The following IVD variants were observed in gnomAD, a reference collection of about 807,000 sequenced individuals.
IVD encodes isovaleryl-CoA dehydrogenase, mitochondrial.
Under a neutral mutation model 51.3 loss-of-function variants are expected in IVD, and 31 were observed. The ratio of observed to expected loss-of-function variants is 0.60; its 90% CI spans 0.45 to 0.81. IVD has a LOEUF of 0.81. IVD is among the 40% of genes least tolerant of loss of function. The pLI is 0.00. For synonymous variants in IVD, 205 were observed against 219.4 expected (o/e 0.93, Z 0.58); for missense variants, 475 against 552.0 (o/e 0.86, Z 1.40).
intron 9 of IVD, among the ~76,000 whole-genome samples, 185 bp from the exon 10 acceptor site, chr15:40,415,893 G>C (rs910473353): frequency 1.3e-5 from 2 of 152,208 alleles, no homozygotes; most frequent in Non-Finnish European, 2.9e-5. Context: ...TGCGGGCTGT[G>C]GAACAGCCAC....
At chr15:40,414,749 C>G (rs1432626570) in intron 7 of IVD, 140 bp from the exon 8 acceptor site, 23 of 1,426,376 alleles carry the variant, frequency 1.6e-5, no homozygotes, top group Non-Finnish European at 2.2e-5. Context: ...TTTCTTTCAC[C>G]TGGAACCTTA....
intron 10 of IVD, 44 bp downstream of exon 10, chr15:40,416,226 A>T (rs778417044): frequency 6.2e-7 from 1 of 1,612,282 alleles, no homozygotes. Flanking sequence ...GCAGTGGACC[A>T]GCTGCTGAGA....
At chr15:40,406,635 A>C (rs1439734540) in intron 1 of IVD, among the ~76,000 whole-genome samples, 1 of 152,184 alleles carries the variant, frequency 6.6e-6, no homozygotes, top group African/African-American at 2.4e-5. Flanking sequence ...TCTCATAAAA[A>C]ATAGAAAAGA....
chr15:40,407,555 A>T (rs1331733550), intron 1 of IVD, 81 bp from the exon 2 acceptor site: 11 of 1,003,446 alleles, frequency 1.1e-5, no homozygotes, highest in Non-Finnish European at 1.8e-5. Flanking sequence ...TGGGGAAGTT[A>T]CTTGTGGCCT....
At position 40,418,612 on chromosome 15, in the gene IVD, A is replaced by C; in HGVS notation, c.*349A>C. The C allele has an allele frequency of 9.7e-7, 1 of 1,033,630 alleles. No homozygotes were observed. Among genetic ancestry groups the C allele is most frequent in the South Asian group, 1.9e-5 (1 of 51,600 alleles). 64.0% of individuals were successfully genotyped at this position (1,033,630 alleles called of 1,614,324 possible). On this transcript the variant is annotated 3_prime_UTR_variant, in exon 12 of 12. Transcript: ENST00000487418. Reference sequence around the variant, plus strand: ...GGGGGCATGCAGGTGCCCACCTCCCAGGGTAGGCACCTGGGGGCATGCAGG... The same window carrying C: ...GGGGGCATGCAGGTGCCCACCTCCCCGGGTAGGCACCTGGGGGCATGCAGG...
chr15:40,411,702 G>T lies in IVD; in HGVS notation c.687+11G>T. 1 of 1,614,106 alleles carries T rather than the reference G, an allele frequency of 6.2e-7. No individual in the cohort carries two copies. Among genetic ancestry groups the T allele is most frequent in the Non-Finnish European group, 8.5e-7 (1 of 1,179,990 alleles). Reference sequence around the variant, plus strand: ...TTCATTGTGGAGAAGGTGAGTATAGGTGGGTGCAGGGCCAGGAGGCTTCTG... The same window carrying T: ...TTCATTGTGGAGAAGGTGAGTATAGTTGGGTGCAGGGCCAGGAGGCTTCTG... On this transcript the variant is annotated intron_variant, in intron 6 of 11. Coordinates refer to ENST00000487418, the MANE Select transcript of IVD (RefSeq NM_002225.5).
intron 4 of IVD, 67 bp downstream of exon 4, chr15:40,410,864 C>G: frequency 1.3e-6 from 2 of 1,567,972 alleles, no homozygotes; most frequent in South Asian, 2.3e-5. Context: ...GATACCCTCT[C>G]CCCTTGGGGG....
At chr15:40,435,221 T>G (rs1485458786) in intron 8 of IVD, among the ~76,000 whole-genome samples, 2 of 152,116 alleles carry the variant, frequency 1.3e-5, no homozygotes, top group Non-Finnish European at 2.9e-5. Flanking sequence ...CTCGTCCCCA[T>G]GTTTGTCTTT....
intron 9 of IVD, 81 bp from the exon 10 acceptor site, chr15:40,415,997 T>C (rs1891626879): frequency 2.4e-6 from 3 of 1,229,492 alleles, no homozygotes; most frequent in Non-Finnish European, 3.6e-6. Context: ...TCCTTGGCTG[T>C]CTTGTTGCCA....
downstream of IVD, among the ~76,000 whole-genome samples, chr15:40,422,812 C>G (rs186560934): frequency 1.6e-3 from 196 of 126,290 alleles, no homozygotes; most frequent in African/African-American, 4.8e-3. Context: ...GTTGGCCAGG[C>G]TGGTCTCAAA....
downstream of IVD, among the ~76,000 whole-genome samples, chr15:40,426,234 G>A (rs1430378780): frequency 1.3e-5 from 2 of 151,988 alleles, no homozygotes; most frequent in East Asian, 3.9e-4. Flanking sequence ...TTTCCAGTTT[G>A]GGGCTATTCT....
chr15:40,422,808 C>T (rs1892434418), downstream of IVD, among the ~76,000 whole-genome samples: 1 of 117,900 alleles, frequency 8.5e-6, no homozygotes, highest in Non-Finnish European at 1.9e-5. Context: ...CCATGTTGGC[C>T]AGGCTGGTCT....
At chr15:40,413,766 C>T (rs947757234) in intron 7 of IVD, among the ~76,000 whole-genome samples, 3 of 152,114 alleles carry the variant, frequency 2.0e-5, no homozygotes, top group East Asian at 1.9e-4. Flanking sequence ...TCTCAGCTCA[C>T]GGCAGCCTCC....
At chr15:40,424,277 G>T (rs1892541629), downstream of IVD, 1 of 950,580 alleles carries the variant, frequency 1.1e-6, no homozygotes, top group Admixed American at 2.7e-5. Flanking sequence ...TTCCCCTTCT[G>T]CTGCTTCCCT....
In IVD at chr15:40,405,950, G is replaced by C. The variant is rs139179135; in HGVS notation, c.123G>C (p.Gly41=). 35 of 1,611,540 alleles carry C rather than the reference G, an allele frequency of 2.2e-5. No homozygotes were observed. Among genetic ancestry groups the C allele is most frequent in the Middle Eastern group, 3.6e-4 (2 of 5,568 alleles). Reference sequence around the variant, plus strand: ...TGCCCGTGGACGATGCAATCAATGGGCTAAGCGAGGAGCAGAGGCAGGTGA... The same window carrying C: ...TGCCCGTGGACGATGCAATCAATGGCCTAAGCGAGGAGCAGAGGCAGGTGA... ...SLLPVDDAIN[G]LSEEQRQLRQ... The change falls in exon 1 of 12, where the codon GGG becomes GGC. Residue 41 remains glycine (G), a synonymous_variant. Transcript: ENST00000487418.
chr15:40,421,638 A>G (rs1375494512), downstream of IVD, among the ~76,000 whole-genome samples: 1 of 152,218 alleles, frequency 6.6e-6, no homozygotes, highest in East Asian at 1.9e-4. Flanking sequence ...TCACATCCCC[A>G]AGGGTGAGTC....
chr15:40,415,958 C>T lies in IVD; in HGVS notation c.961-120C>T, dbSNP rs1204455645. On this transcript the variant is annotated intron_variant, in intron 9 of 11. Coordinates refer to ENST00000487418, the MANE Select transcript of IVD (RefSeq NM_002225.5). ...CATCTCCATCATCCTGAGTAAATCC[C>T]ATCTCCTCTCCATGCCCCTGCTTCC... 3.5e-6 allele frequency: 3 copies of T among 852,986 alleles called. No individual in the cohort carries two copies. The South Asian group carries it at 4.3e-5, about 12-fold the overall frequency. The allele number at this position is 852,986 out of a possible 1,614,324, so 52.8% of individuals were successfully genotyped here. A position where few individuals can be genotyped will look rare whatever the true frequency, so the allele number is the denominator to read the frequency against.
chr15:40,413,232 G>C, intron 7 of IVD, 145 bp downstream of exon 7: 1 of 726,662 alleles, frequency 1.4e-6, no homozygotes, highest in Admixed American at 2.0e-5. Flanking sequence ...GTGAGCTGGG[G>C]CTGCTGGACA....
chr15:40,419,206 C>T lies in IVD; in HGVS notation c.*943C>T. 1 of 1,289,322 alleles carries T rather than the reference C, an allele frequency of 7.8e-7. No individual in the cohort carries two copies. Among genetic ancestry groups the T allele is most frequent in the Non-Finnish European group, 1.0e-6 (1 of 988,866 alleles). 79.9% of individuals were successfully genotyped at this position (1,289,322 alleles called of 1,614,324 possible). On this transcript the variant is annotated 3_prime_UTR_variant, in exon 12 of 12. Coordinates refer to ENST00000487418, the MANE Select transcript of IVD (RefSeq NM_002225.5). ...TTCTAGAGGTATCAGCTCCTAGCAGCTTATGAACACATATGCTTGCTTGGC... is the reference window on the plus strand; with the variant it reads ...TTCTAGAGGTATCAGCTCCTAGCAGTTTATGAACACATATGCTTGCTTGGC...
Sources: gnomAD v4.1 joint callset for allele counts (sites outside exome capture counted in the v4.1 genomes callset) on GRCh38, gnomAD v4.1.1 for gene constraint, MANE v1.5 for transcripts, NCBI Gene and HGNC (gene_info 2026-07-23, HGNC 2026-07-21) for gene names.